Variants in ZSCAN25 observed in about 807,000 individuals in gnomAD.
The protein encoded by ZSCAN25 is zinc finger and SCAN domain-containing protein 25.
A neutral mutation model predicts 38.7 loss-of-function variants in ZSCAN25; 27 were observed. That is an observed-to-expected ratio of 0.70 (90% CI 0.51 to 0.96). ZSCAN25 has a LOEUF of 0.96. ZSCAN25 is among the 40% of genes least tolerant of loss of function. The probability of loss-of-function intolerance (pLI) is 0.00; values close to 1 mark genes in which losing one functional copy is unlikely to be tolerated. For missense variants in ZSCAN25, 637 were observed against 705.9 expected (o/e 0.90, Z 1.11); for synonymous variants, 273 against 277.7 (o/e 0.98, Z 0.17).
chr7:99,632,831 T>G (rs1189978940), downstream of ZSCAN25, among the ~76,000 whole-genome samples: 1 of 152,194 alleles, frequency 6.6e-6, no homozygotes, highest in African/African-American at 2.4e-5. Flanking sequence ...CCAGTGAATT[T>G]TAAGAACCCA....
chr7:99,646,353 G>T, the ZSCAN25 span, among the ~76,000 whole-genome samples: 2 of 151,990 alleles, frequency 1.3e-5, no homozygotes, highest in Non-Finnish European at 2.9e-5. Context: ...TAATTCCTAG[G>T]TATTTAATTT....
chr7:99,716,370 A>G, the ZSCAN25 span, among the ~76,000 whole-genome samples: 1 of 152,182 alleles, frequency 6.6e-6, no homozygotes, highest in Non-Finnish European at 1.5e-5. Flanking sequence ...CAACAGTACC[A>G]TGTCCTGAGC....
At chr7:99,690,351 A>C in the ZSCAN25 span, among the ~76,000 whole-genome samples, 36 of 152,240 alleles carry the variant, frequency 2.4e-4, no homozygotes, top group African/African-American at 8.2e-4. Context: ...CCTTAGAAGA[A>C]AACCTAGGCA....
At chr7:99,663,058 A>G in the ZSCAN25 span, 2 of 1,346,690 alleles carry the variant, frequency 1.5e-6, no homozygotes, top group South Asian at 1.7e-5. Context: ...AAATCCTTGG[A>G]AAGCAGGATG....
At chr7:99,652,500 A>G in the ZSCAN25 span, 8 of 1,226,242 alleles carry the variant, frequency 6.5e-6, no homozygotes, top group East Asian at 1.9e-4. Context: ...GAGGCAGAAT[A>G]TGCTTGAACC....
chr7:99,716,002 G>C, the ZSCAN25 span: 1 of 1,607,260 alleles, frequency 6.2e-7, no homozygotes, highest in Non-Finnish European at 8.5e-7. Flanking sequence ...AGTCAAGACA[G>C]ACAAACAGCC....
At chr7:99,693,834 G>A in the ZSCAN25 span, among the ~76,000 whole-genome samples, 27 of 152,236 alleles carry the variant, frequency 1.8e-4, no homozygotes, top group Admixed American at 9.2e-4. Context: ...GTTCCTATTC[G>A]GCCATCTTGG....
chr7:99,709,796 A>G, the ZSCAN25 span, among the ~76,000 whole-genome samples: 19 of 152,060 alleles, frequency 1.2e-4, no homozygotes, highest in African/African-American at 4.6e-4. Flanking sequence ...GTGTATATAT[A>G]TATATATGCA....
At chr7:99,668,748 G>A in the ZSCAN25 span, among the ~76,000 whole-genome samples, 1 of 152,240 alleles carries the variant, frequency 6.6e-6, no homozygotes, top group Admixed American at 6.5e-5. Context: ...TCTGGACAAG[G>A]CAGAGCGCTG....
At chr7:99,658,639 A>T in the ZSCAN25 span, among the ~76,000 whole-genome samples, 1 of 152,098 alleles carries the variant, frequency 6.6e-6, no homozygotes, top group Admixed American at 6.5e-5. Context: ...GCCTTGCTAG[A>T]TTGGGGAAGT....
In ZSCAN25 at chr7:99,620,476, G is replaced by A. The variant is rs148847485; in HGVS notation, c.387+483G>A. 5.5e-3 allele frequency: 867 copies of A among 158,280 alleles called. 6 individuals are homozygous for A. Among genetic ancestry groups the A allele is most frequent in the Non-Finnish European group, 9.1e-3 (652 of 71,786 alleles). 9.8% of individuals were successfully genotyped at this position (158,280 alleles called of 1,614,324 possible). On this transcript the variant is annotated intron_variant, in intron 4 of 7. Coordinates refer to ENST00000394152, the MANE Select transcript of ZSCAN25 (RefSeq NM_145115.3). ...GACACCAAGTGATTTGGCACCGCAC[G>A]TGCTTCCTTGAGGTTCCAGCCATAT...
chr7:99,717,054 A>T, the ZSCAN25 span: 1 of 1,186,256 alleles, frequency 8.4e-7, no homozygotes, highest in African/African-American at 1.5e-5. Context: ...TTGAAGTTGC[A>T]TTACCACAGC....
the ZSCAN25 span, chr7:99,707,970 T>C: frequency 1.9e-6 from 3 of 1,613,874 alleles, no homozygotes; most frequent in Admixed American, 3.3e-5. Flanking sequence ...TTCTTTTTAC[T>C]GAACCTGGTT....
chr7:99,679,777 G>C, the ZSCAN25 span: 1 of 1,577,770 alleles, frequency 6.3e-7, no homozygotes, highest in Non-Finnish European at 8.7e-7. Flanking sequence ...GGCCCGATTA[G>C]CACCCCAAGT....
At chr7:99,714,552 T>TA in the ZSCAN25 span, 23 of 1,612,694 alleles carry the variant, frequency 1.4e-5, no homozygotes, top group Non-Finnish European at 1.8e-5. Context: ...CACCACGTTT[T>TA]ACCTTTTGTG....
chr7:99,618,877 G>T (rs1056695435), intron 2 of ZSCAN25, among the ~76,000 whole-genome samples, 171 bp from the exon 3 acceptor site: 1 of 152,176 alleles, frequency 6.6e-6, no homozygotes, highest in South Asian at 2.1e-4. Flanking sequence ...GATATGGCTT[G>T]TTCTTGGACA....
At chr7:99,652,750 CT>C in the ZSCAN25 span, 1 of 1,613,842 alleles carries the variant, frequency 6.2e-7, no homozygotes, top group South Asian at 1.1e-5. Flanking sequence ...GGTACTCCAT[CT>C]GTACCACGGC....
downstream of ZSCAN25, among the ~76,000 whole-genome samples, chr7:99,632,986 G>GTTTTTTTTTTTT (rs201141594): frequency 5.7e-5 from 8 of 141,532 alleles, no homozygotes; most frequent in East Asian, 4.3e-4. Context: ...TGCATTTTCT[G>GTTTTTTTTTTTT]TTGTTTTTTT....
the ZSCAN25 span, chr7:99,663,682 A>G: frequency 3.9e-6 from 4 of 1,038,138 alleles, no homozygotes; most frequent in Non-Finnish European, 4.6e-6. Flanking sequence ...TTATCCTTTG[A>G]CAATTTATTA....
Sources: gnomAD v4.1 joint callset for allele counts (sites outside exome capture counted in the v4.1 genomes callset) on GRCh38, gnomAD v4.1.1 for gene constraint, MANE v1.5 for transcripts, NCBI Gene and HGNC (gene_info 2026-07-23, HGNC 2026-07-21) for gene names.